Variants in ARL14EPL observed in about 807,000 individuals in gnomAD.
ARL14EPL encodes ARL14 effector protein-like.
ARL14EPL carries 17 observed loss-of-function variants against 15.9 expected under a neutral mutation model. The ratio of observed to expected loss-of-function variants is 1.07; its 90% CI spans 0.73 to 1.60. The LOEUF (loss-of-function observed/expected upper bound fraction) is 1.60. ARL14EPL is among the 40% of genes most tolerant of loss of function. ARL14EPL has a pLI of 0.00. For missense variants in ARL14EPL, 214 were observed against 185.9 expected (o/e 1.15, Z -0.88); for synonymous variants, 78 against 63.8 (o/e 1.22, Z -1.06).
intron 1 of ARL14EPL, among the ~76,000 whole-genome samples, chr5:116,037,574 TTTTG>T (rs957983335): frequency 2.2e-4 from 34 of 152,310 alleles, no homozygotes; most frequent in East Asian, 9.6e-4. Context: ...ACAAGAGTTT[TTTTG>T]TTTGTTTGTT....
intron 1 of ARL14EPL, among the ~76,000 whole-genome samples, chr5:116,044,588 T>C (rs1008766498): frequency 1.3e-5 from 2 of 152,114 alleles, no homozygotes; most frequent in East Asian, 3.9e-4. Flanking sequence ...GGTATTAGTA[T>C]TAGTTAAACT....
intron 1 of ARL14EPL, among the ~76,000 whole-genome samples, chr5:116,036,691 C>G (rs917619366): frequency 3.3e-5 from 5 of 152,046 alleles, no homozygotes; most frequent in Non-Finnish European, 7.4e-5. Context: ...AAAAATATAA[C>G]CTAGAAATAT....
chr5:116,056,664 T>A (rs1224045706), intron 3 of ARL14EPL, among the ~76,000 whole-genome samples: 2 of 152,240 alleles, frequency 1.3e-5, no homozygotes, highest in African/African-American at 2.4e-5. Flanking sequence ...AGATCCCATT[T>A]GTCAATTTTG....
intron 1 of ARL14EPL, 84 bp from the exon 2 acceptor site, chr5:116,051,373 G>C (rs1749373476): frequency 4.9e-6 from 4 of 823,328 alleles, no homozygotes; most frequent in Non-Finnish European, 7.7e-6. Flanking sequence ...GAGACGTGTA[G>C]GGAGAGTAGA....
chr5:116,053,599 C>A (rs1456117079), intron 2 of ARL14EPL, among the ~76,000 whole-genome samples: 1 of 152,100 alleles, frequency 6.6e-6, no homozygotes, highest in Non-Finnish European at 1.5e-5. Flanking sequence ...ACTTTGGGTT[C>A]TCACTGTGGT....
At chr5:116,057,315 T>A (rs147361299) in intron 3 of ARL14EPL, among the ~76,000 whole-genome samples, 1 of 152,152 alleles carries the variant, frequency 6.6e-6, no homozygotes, top group African/African-American at 2.4e-5. Context: ...AACACTCTTT[T>A]GTTAAGCTGG....
intron 2 of ARL14EPL, among the ~76,000 whole-genome samples, chr5:116,053,677 A>G (rs2112679946): frequency 6.6e-6 from 1 of 152,308 alleles, no homozygotes; most frequent in South Asian, 2.1e-4. Context: ...ATCCTTACCC[A>G]CATCAAATGC....
intron 2 of ARL14EPL, 70 bp downstream of exon 2, chr5:116,051,631 T>C: frequency 1.6e-6 from 2 of 1,289,032 alleles, no homozygotes; most frequent in Admixed American, 2.1e-5. Flanking sequence ...GAGATGCCCA[T>C]GGATGTGGGT....
At chr5:116,032,863 T>G (rs1322262151) in intron 1 of ARL14EPL, among the ~76,000 whole-genome samples, 1 of 152,140 alleles carries the variant, frequency 6.6e-6, no homozygotes, top group Non-Finnish European at 1.5e-5. Flanking sequence ...AGTGCTGCCA[T>G]CTCCGCTCGC....
chr5:116,041,284 A>G (rs1287096919), intron 1 of ARL14EPL, among the ~76,000 whole-genome samples: 2 of 152,198 alleles, frequency 1.3e-5, no homozygotes, highest in Non-Finnish European at 2.9e-5. Flanking sequence ...GAAGTATCAT[A>G]TAGAATACTT....
chr5:116,042,447 C>G (rs1749178779), intron 1 of ARL14EPL, among the ~76,000 whole-genome samples: 1 of 152,180 alleles, frequency 6.6e-6, no homozygotes. Flanking sequence ...ATATCAGTGC[C>G]ATCCACTTCT....
intron 1 of ARL14EPL, among the ~76,000 whole-genome samples, chr5:116,032,872 G>A (rs144098046): frequency 2.3e-3 from 356 of 152,158 alleles, no homozygotes; most frequent in Non-Finnish European, 3.9e-3. Context: ...ATCTCCGCTC[G>A]CCGCAGCCTC....
At chr5:116,053,130 T>C (rs1749429473) in intron 2 of ARL14EPL, among the ~76,000 whole-genome samples, 1 of 152,106 alleles carries the variant, frequency 6.6e-6, no homozygotes, top group Admixed American at 6.6e-5. Context: ...GGTGGATCCT[T>C]GGAGCCCAGG....
chr5:116,040,526 T>C (rs116279508), intron 1 of ARL14EPL, among the ~76,000 whole-genome samples: 1,569 of 151,722 alleles, frequency 0.01, 26 homozygotes, highest in African/African-American at 0.036. Flanking sequence ...GACTGGGACG[T>C]AGTGGACGAT....
intron 1 of ARL14EPL, among the ~76,000 whole-genome samples, chr5:116,040,826 A>T (rs1421866202): frequency 6.7e-6 from 1 of 149,496 alleles, no homozygotes; most frequent in African/African-American, 2.5e-5. Context: ...AAAAAAAAAA[A>T]AAAAATTAGT....
chr5:116,053,214 T>C (rs920972447), intron 2 of ARL14EPL, among the ~76,000 whole-genome samples: 3 of 151,978 alleles, frequency 2.0e-5, no homozygotes, highest in African/African-American at 7.3e-5. Flanking sequence ...TAGCCAAGCA[T>C]GGTGGTGCGT....
intron 1 of ARL14EPL, among the ~76,000 whole-genome samples, chr5:116,032,773 T>C (rs1748982062): frequency 2.6e-5 from 4 of 152,090 alleles, no homozygotes; most frequent in Non-Finnish European, 5.9e-5. Flanking sequence ...TAGCTGTGTA[T>C]TCTGAGTTTT....
At chr5:116,034,061 TC>T (rs1438794260) in intron 1 of ARL14EPL, among the ~76,000 whole-genome samples, 1 of 152,156 alleles carries the variant, frequency 6.6e-6, no homozygotes, top group Non-Finnish European at 1.5e-5. Context: ...ACGTGATGAG[TC>T]CTAGACTCTC....
At chr5:116,055,770 T>C (rs888599386) in intron 3 of ARL14EPL, among the ~76,000 whole-genome samples, 1 of 152,136 alleles carries the variant, frequency 6.6e-6, no homozygotes, top group African/African-American at 2.4e-5. Flanking sequence ...TTACATTAGG[T>C]ATGTCTCCTA....
Sources: allele counts gnomAD v4.1 joint callset (sites outside exome capture counted in the v4.1 genomes callset), GRCh38; gene constraint gnomAD v4.1.1; transcripts MANE v1.5; gene names NCBI Gene and HGNC (gene_info 2026-07-23, HGNC 2026-07-21).